PMPCA: variants seen among roughly 807,000 people sequenced by gnomAD.
The protein encoded by PMPCA is peptidase, mitochondrial processing subunit alpha.
In PMPCA, 47 loss-of-function variants were observed where a neutral mutation model predicts 59.3. The ratio of observed to expected loss-of-function variants is 0.79; its 90% CI spans 0.63 to 1.01. The LOEUF (loss-of-function observed/expected upper bound fraction) is 1.01. Among genes scored for constraint, PMPCA ranks in the 50% least tolerant of loss-of-function variants. The pLI, the probability that PMPCA is intolerant of heterozygous loss-of-function variation, is 0.00. For missense variants in PMPCA, 726 were observed against 704.5 expected (o/e 1.03, Z -0.34); for synonymous variants, 338 against 290.3 (o/e 1.16, Z -1.67).
intron 9 of PMPCA, 71 bp from the exon 10 acceptor site, chr9:136,418,757 C>A: frequency 6.6e-7 from 1 of 1,515,078 alleles, no homozygotes; most frequent in South Asian, 1.1e-5. Context: ...TTCCAGGTGA[C>A]TTTTCTCCAG....
rs1340126724 is a variant in PMPCA at position 136,417,017 on chromosome 9, A to G, written c.700A>G (p.Asn234Asp). Residue 234 changes from asparagine to aspartate, a missense_variant, in exon 7 of 13, where the codon AAC (asparagine) becomes GAC (aspartate). By Grantham distance (23) the Asn-to-Asp change is conservative (BLOSUM62 1). Transcript: ENST00000371717. ...CCCCACAGAAAACGTAGCAAAGATC[A>G]ACCGAGAGGTGCTGCATTCCTACCT... is the stretch of plus-strand genomic sequence containing the variant. ...FCPTENVAKI[N>D]REVLHSYLRN... is the part of the protein sequence containing the mutation. The G allele has an allele frequency of 6.2e-7, 1 of 1,613,260 alleles. No homozygotes were observed. The highest frequency in any genetic ancestry group is 8.5e-7 in the Non-Finnish European group (1 of 1,179,994).
Position 136,414,590 on chromosome 9 carries a change from G to A in PMPCA, c.475G>A (p.Gly159Ser). 1 of 1,613,772 alleles carries A rather than the reference G, an allele frequency of 6.2e-7. No individual in the cohort carries two copies. Among genetic ancestry groups the A allele is most frequent in the South Asian group, 1.1e-5 (1 of 91,076 alleles). Residue 159 changes from glycine (G) to serine (S), a missense_variant, in exon 5 of 13, where the codon GGC becomes AGC. Transcript: ENST00000371717. ...TMYAVSADSK[G>S]LDTVVALLAD... ...GTATGCTGTGTCTGCTGATAGCAAA[G>A]GCTTGGACACGGTGGTTGCCTTACT...
intron 7 of PMPCA, 24 bp from the exon 8 acceptor site, chr9:136,417,993 A>T: frequency 6.4e-7 from 1 of 1,557,898 alleles, no homozygotes; most frequent in Non-Finnish European, 8.9e-7. Flanking sequence ...ACATGGCGAC[A>T]CTTGCTTGTT....
intron 4 of PMPCA, among the ~76,000 whole-genome samples, chr9:136,413,973 C>T (rs1588809628): frequency 6.6e-6 from 1 of 152,332 alleles, no homozygotes; most frequent in African/African-American, 2.4e-5. Flanking sequence ...CCCATGATTT[C>T]GTGCCTGTCC....
At chr9:136,413,630 G>C (rs1042371794) in intron 4 of PMPCA, among the ~76,000 whole-genome samples, 2 of 152,174 alleles carry the variant, frequency 1.3e-5, no homozygotes, top group Admixed American at 6.5e-5. Flanking sequence ...ACTCCCAGCT[G>C]CCCCTGCCAG....
At chr9:136,419,517 C>CA (rs1271490197) in intron 11 of PMPCA, 4 of 306,868 alleles carry the variant, frequency 1.3e-5, no homozygotes, top group African/African-American at 4.2e-5. Context: ...AGGTGGGCTG[C>CA]AGCGTGGGGT....
In PMPCA at chr9:136,421,452, C is replaced by T. The variant is rs1167763206; in HGVS notation, c.1264-380C>T. On this transcript the variant is annotated intron_variant, in intron 11 of 12. Transcript: ENST00000371717. ...TGAGACAGAGTCTTGCTCTGTCGCC[C>T]AGGCTGGAGTGCAGTGGTGCGATCT... 2.7e-5 allele frequency among the ~76,000 whole-genome samples: 4 copies of T among 146,252 alleles called. No homozygotes were observed. The East Asian group carries it at 8.1e-4, about 30-fold the overall frequency.
At position 136,412,099 on chromosome 9, in the gene PMPCA, A is replaced by G; in HGVS notation, c.174A>G (p.Thr58=). Reference sequence around the variant, plus strand: ...GAGTACCCAAGCCTGTTTTTGCTACAGTTGATGGACAGGAAAAGTTTGAAA... The same window carrying G: ...GAGTACCCAAGCCTGTTTTTGCTACGGTTGATGGACAGGAAAAGTTTGAAA... ...LPGVPKPVFA[T]VDGQEKFETK... The change falls in exon 2 of 13, where the codon ACA becomes ACG. Residue 58 remains threonine, a synonymous_variant. Transcript: ENST00000371717. The G allele has an allele frequency of 6.2e-7, 1 of 1,613,624 alleles. No individual in the cohort carries two copies. Among genetic ancestry groups the G allele is most frequent in the South Asian group, 1.1e-5 (1 of 91,072 alleles).
chr9:136,410,868 TC>T, intron 1 of PMPCA, 129 bp downstream of exon 1: 5 of 730,032 alleles, frequency 6.8e-6, no homozygotes, highest in Non-Finnish European at 9.6e-6. Context: ...GACACTGGTG[TC>T]CCCGAGGCGA....
chr9:136,417,041 C>G lies in PMPCA; in HGVS notation c.724C>G (p.Leu242Val). The G allele has an allele frequency of 8.7e-6, 14 of 1,613,966 alleles. No homozygotes were observed. Among genetic ancestry groups the G allele is most frequent in the Non-Finnish European group, 1.2e-5 (14 of 1,180,044 alleles). ...KINREVLHSY[L>V]RNYYTPDRMV... The stretch of plus-strand genomic sequence containing the variant: ...CAACCGAGAGGTGCTGCATTCCTAC[C>G]TGAGGAACTACTACACTCCCGACCG... The change falls in exon 7 of 13, where the codon CTG becomes GTG. Residue 242 changes from leucine to valine, a missense_variant. Leu to Val is a conservative substitution (Grantham distance 32, BLOSUM62 1). Transcript: ENST00000371717.
chr9:136,418,640 T>C lies in PMPCA; in HGVS notation c.1076T>C (p.Met359Thr). 2.5e-6 allele frequency: 4 copies of C among 1,613,130 alleles called. No individual in the cohort carries two copies. The highest frequency in any genetic ancestry group is 3.4e-6 in the Non-Finnish European group (4 of 1,179,070). Residue 359 changes from methionine (M) to threonine (T), a missense_variant, in exon 9 of 13, where the codon ATG becomes ACG. Coordinates refer to ENST00000371717, the MANE Select transcript of PMPCA (RefSeq NM_015160.3). ...SFSAGGPGKG[M>T]FSRLYLNVLN... ...TCGGCTGGTGGGCCCGGCAAGGGCA[T>C]GTTCTCCAGGCTCTACCTCAACGTG...
At chr9:136,422,989 T>C (rs1018163874) in intron 12 of PMPCA, 106 bp from the exon 13 acceptor site, 5 of 1,472,560 alleles carry the variant, frequency 3.4e-6, no homozygotes, top group Non-Finnish European at 4.5e-6. Flanking sequence ...CAGCACAGCG[T>C]GAGTGAGTGG....
chr9:136,415,593 G>A (rs989948660), intron 5 of PMPCA, among the ~76,000 whole-genome samples: 19 of 152,208 alleles, frequency 1.2e-4, no homozygotes, highest in African/African-American at 4.6e-4. Context: ...TTAAGATCTT[G>A]TGGTCACAAC....
Position 136,423,243 on chromosome 9 carries a change from G to A in PMPCA, c.1557G>A (p.Arg519=). 1 of 1,612,926 alleles carries A rather than the reference G, an allele frequency of 6.2e-7. No individual in the cohort carries two copies. The highest frequency in any genetic ancestry group is 8.5e-7 in the Non-Finnish European group (1 of 1,179,868). ...ALSSKDGRLP[R]TYRLFR The stretch of plus-strand genomic sequence containing the variant: ...CGAGTAAGGACGGGCGCCTGCCCAG[G>A]ACGTACCGGCTCTTCCGGTAGAACC... Residue 519 remains arginine (R), a synonymous_variant, in exon 13 of 13, where the codon AGG becomes AGA. Transcript: ENST00000371717.
At position 136,418,031 on chromosome 9, in the gene PMPCA, G is replaced by A; in HGVS notation, c.912G>A (p.Met304Ile). The change falls in exon 8 of 13, where the codon ATG becomes ATA. Residue 304 changes from methionine (M) to isoleucine (I), a missense_variant. Met to Ile is a conservative substitution (Grantham distance 10). Transcript: ENST00000371717. ...TGGIAKLERD[M>I]SNVSLGPTPI... is the part of the protein sequence containing the mutation. ...CTTGGTTACAGCTAGAAAGAGACAT[G>A]TCCAATGTCAGCCTGGGCCCGACCC... The A allele has an allele frequency of 6.2e-7, 1 of 1,613,086 alleles. No individual in the cohort carries two copies. The highest frequency in any genetic ancestry group is 8.5e-7 in the Non-Finnish European group (1 of 1,178,994).
intron 6 of PMPCA, chr9:136,416,733 A>G (rs1835287034): frequency 1.7e-6 from 1 of 592,330 alleles, no homozygotes; most frequent in South Asian, 2.1e-5. Context: ...ACTACTAAAC[A>G]CAATTAATCT....
Position 136,414,606 on chromosome 9 carries a change from T to C in PMPCA, c.491T>C (p.Val164Ala), listed in dbSNP as rs1436877996. 1.2e-6 allele frequency: 2 copies of C among 1,613,772 alleles called. No homozygotes were observed. Among genetic ancestry groups the C allele is most frequent in the East Asian group, 4.5e-5 (2 of 44,890 alleles). The change falls in exon 5 of 13, where the codon GTT (valine) becomes GCT (alanine). Residue 164 changes from valine (V) to alanine (A), a missense_variant. By Grantham distance (64) the Val-to-Ala change is moderately conservative. Transcript: ENST00000371717. ...SADSKGLDTVVALLADVVLQP... is the reference protein window; with the variant it reads ...SADSKGLDTVAALLADVVLQP... ...GATAGCAAAGGCTTGGACACGGTGG[T>C]TGCCTTACTGGCTGATGTGGTTCTG... is the stretch of plus-strand genomic sequence containing the variant.
intron 11 of PMPCA, among the ~76,000 whole-genome samples, 164 bp from the exon 12 acceptor site, chr9:136,421,668 T>C (rs1010238332): frequency 6.6e-6 from 1 of 152,134 alleles, no homozygotes; most frequent in South Asian, 2.1e-4. Context: ...TGCCTCAGCC[T>C]CCCAAAGAGC....
intron 11 of PMPCA, chr9:136,420,331 C>T (rs1003066386): frequency 1.3e-5 from 2 of 152,032 alleles, no homozygotes; most frequent in Non-Finnish European, 2.9e-5. Context: ...CCACACCTGG[C>T]TAATTTTTTG....
Sources: gnomAD v4.1 joint callset for allele counts (sites outside exome capture counted in the v4.1 genomes callset) on GRCh38, gnomAD v4.1.1 for gene constraint, MANE v1.5 for transcripts, NCBI Gene and HGNC (gene_info 2026-07-23, HGNC 2026-07-21) for gene names.